Variants in NUGGC observed in about 807,000 individuals in gnomAD.
The protein encoded by NUGGC is nuclear GTPase SLIP-GC.
NUGGC carries 58 observed loss-of-function variants against 92.6 expected under a neutral mutation model. The observed-to-expected ratio is 0.63, with a 90% confidence interval of 0.51 to 0.78. The LOEUF (loss-of-function observed/expected upper bound fraction) is 0.78, where lower values mean the gene tolerates loss of function less well. Ranked by LOEUF, NUGGC falls within the 30% of genes least tolerant of loss-of-function variation. NUGGC has a pLI of 0.00. For synonymous variants in NUGGC, 376 were observed against 366.4 expected, an observed-to-expected ratio of 1.03 and a Z score of -0.30; for missense variants, 925 against 964.6, an observed-to-expected ratio of 0.96 and a Z score of 0.54.
Position 28,023,436 on chromosome 8 carries a change from C to G in NUGGC, c.2272G>C (p.Glu758Gln). The G allele has an allele frequency of 3.7e-6, 6 of 1,613,886 alleles. No individual in the cohort carries two copies. Among genetic ancestry groups the G allele is most frequent in the Non-Finnish European group, 5.1e-6 (6 of 1,179,854 alleles). ...ADVGSEYKEM[E>Q]KLHRSLREVA... ...TCCCTCAGGCTTCTGTGCAGCTTCT[C>G]CATCTCCTTGTATTCACTCCCGACA... Residue 758 changes from glutamate to glutamine, a missense_variant, in exon 19 of 19, where the codon GAG becomes CAG. Physicochemically the swap from Glu to Gln is conservative, Grantham distance 29. Transcript: ENST00000413272.
intron 12 of NUGGC, 107 bp downstream of exon 12, chr8:28,045,420 C>G: frequency 9.4e-7 from 1 of 1,061,824 alleles, no homozygotes; most frequent in Non-Finnish European, 1.3e-6. Flanking sequence ...TTCATATCTT[C>G]CTTTAATATG....
rs1316799601 is a variant in NUGGC at position 28,022,150 on chromosome 8, TC to T, written c.*1166del. On this transcript the variant is annotated 3_prime_UTR_variant, in exon 19 of 19. Transcript: ENST00000413272. ...GTGTGTGTATATATATATATTTTTT[TC>T]TTTTTCTTTTTTTTTTTTTTTTTTT... 3 of 141,164 alleles carry T rather than the reference TC, an allele frequency of 2.1e-5. No homozygotes were observed. Among genetic ancestry groups the T allele is most frequent in the African/African-American group, 2.6e-5 (1 of 39,042 alleles). 8.7% of individuals were successfully genotyped at this position (141,164 alleles called of 1,614,324 possible). A position where few individuals can be genotyped will look rare whatever the true frequency, so the allele number is the denominator to read the frequency against.
chr8:28,027,673 T>C (rs1434212383), intron 17 of NUGGC, among the ~76,000 whole-genome samples: 1 of 152,224 alleles, frequency 6.6e-6, no homozygotes, highest in African/African-American at 2.4e-5. Context: ...TCCTACGCTT[T>C]TTCTTTAACG....
At chr8:28,081,253 A>G (rs1207506987) in intron 1 of NUGGC, among the ~76,000 whole-genome samples, 1 of 152,160 alleles carries the variant, frequency 6.6e-6, no homozygotes, top group African/African-American at 2.4e-5. Context: ...CAGGAAACAG[A>G]GGTTGCAGTG....
Position 28,064,524 on chromosome 8 carries a change from T to C in NUGGC, c.919A>G (p.Lys307Glu), listed in dbSNP as rs376354587. The C allele has an allele frequency of 6.2e-7, 1 of 1,613,746 alleles. No individual in the cohort carries two copies. The highest frequency in any genetic ancestry group is 8.5e-7 in the Non-Finnish European group (1 of 1,179,746). The stretch of plus-strand genomic sequence containing the variant: ...CTAAACCTACGAAAGACAGTCACCT[T>C]TTTCCACATCTCGTCCCTCTTGCTG... ...FNSKRDEMWK[K>E]TIDKCSVIWV... is the part of the protein sequence containing the mutation. The change falls in exon 7 of 19, where the codon AAG becomes GAG. Residue 307 changes from lysine to glutamate, a missense_variant and splice_region_variant. Lys to Glu is a moderately conservative substitution (Grantham distance 56). Coordinates refer to ENST00000413272, the MANE Select transcript of NUGGC (RefSeq NM_001010906.2).
intron 17 of NUGGC, among the ~76,000 whole-genome samples, chr8:28,028,254 T>C (rs56045117): frequency 0.021 from 3,266 of 152,252 alleles, 120 homozygotes; most frequent in African/African-American, 0.075. Flanking sequence ...CTTTATGGAG[T>C]TCGGCCAGTT....
intron 13 of NUGGC, among the ~76,000 whole-genome samples, chr8:28,036,242 C>T (rs1313816197): frequency 1.3e-5 from 2 of 152,174 alleles, no homozygotes; most frequent in Admixed American, 6.5e-5. Context: ...TAAAAATAAG[C>T]ATAAAAATAA....
intron 10 of NUGGC, among the ~76,000 whole-genome samples, chr8:28,052,795 C>T (rs1563222599): frequency 6.6e-6 from 1 of 152,108 alleles, no homozygotes; most frequent in Admixed American, 6.5e-5. Flanking sequence ...GAGTTGTGTG[C>T]ATTACTTAAC....
chr8:28,040,334 C>G (rs898969176), intron 13 of NUGGC, among the ~76,000 whole-genome samples: 1 of 152,262 alleles, frequency 6.6e-6, no homozygotes, highest in Non-Finnish European at 1.5e-5. Context: ...AAGATGTTTC[C>G]TCATTGTGTA....
Position 28,030,412 on chromosome 8 carries a change from C to T in NUGGC, c.1915G>A (p.Ala639Thr), listed in dbSNP as rs1466078386. Residue 639 changes from alanine (A) to threonine (T), a missense_variant, in exon 16 of 19, where the codon GCC (alanine) becomes ACC (threonine). Ala to Thr is a moderately conservative substitution (Grantham distance 58). Coordinates refer to ENST00000413272, the MANE Select transcript of NUGGC (RefSeq NM_001010906.2). ...TGGTCCTCCAGGCCCCCGAGGATGG[C>T]ACTTATCTGGGAAGATGTGGCAAAA... is the stretch of plus-strand genomic sequence containing the variant. ...KKNFLIQEIS[A>T]ILGGLEDHIL... The T allele has an allele frequency of 6.4e-7, 1 of 1,558,038 alleles. No homozygotes were observed. The highest frequency in any genetic ancestry group is 1.9e-5 in the Admixed American group (1 of 53,408).
chr8:28,059,292 C>A (rs1373787234), intron 8 of NUGGC, among the ~76,000 whole-genome samples: 1 of 152,198 alleles, frequency 6.6e-6, no homozygotes, highest in East Asian at 1.9e-4. Flanking sequence ...TTTATACCCG[C>A]TGATCCCCTC....
Position 28,023,334 on chromosome 8 carries a change from G to C in NUGGC, c.2374C>G (p.Pro792Ala), listed in dbSNP as rs189541232. 9.5e-4 allele frequency: 1,526 copies of C among 1,613,646 alleles called. 1 individual carries two copies. The highest frequency in any genetic ancestry group is 1.8e-3 in the East Asian group (81 of 44,838). Residue 792 changes from proline to alanine, a missense_variant, in exon 19 of 19, where the codon CCC becomes GCC. Pro to Ala is a conservative substitution (Grantham distance 27). Transcript: ENST00000413272. ...LRASPSKAGP[P>A]GTSL ...CCCAGGAGTTACAGTGATGTCCCGG[G>C]GGGGCCAGCCTTGCTGGGGGATGCC... is the stretch of plus-strand genomic sequence containing the variant.
intron 7 of NUGGC, among the ~76,000 whole-genome samples, chr8:28,063,704 T>C (rs1810366904): frequency 6.6e-6 from 1 of 152,176 alleles, no homozygotes; most frequent in African/African-American, 2.4e-5. Flanking sequence ...GGCTAGAGCT[T>C]GCTCTAGATT....
chr8:28,026,362 A>G (rs1363913643), intron 18 of NUGGC, among the ~76,000 whole-genome samples: 1 of 152,184 alleles, frequency 6.6e-6, no homozygotes, highest in Non-Finnish European at 1.5e-5. Context: ...TACCCTCTCC[A>G]GTTTATACCG....
chr8:28,026,803 C>T (rs1809274571), intron 18 of NUGGC, among the ~76,000 whole-genome samples, 159 bp downstream of exon 18: 1 of 152,160 alleles, frequency 6.6e-6, no homozygotes, highest in Non-Finnish European at 1.5e-5. Flanking sequence ...TCACCATCAT[C>T]ATCGTCATCA....
At position 28,069,624 on chromosome 8, in the gene NUGGC, C is replaced by G. The variant is rs17058564; in HGVS notation, c.177G>C (p.Arg59Ser). The G allele has an allele frequency of 2.5e-6, 4 of 1,610,670 alleles. No homozygotes were observed. The highest frequency in any genetic ancestry group is 1.3e-5 in the African/African-American group (1 of 74,908). ...EYEKLESRTR[R>S]VLSNTYQKLI... ...GTTTCTGATAAGTGTTGCTCAAAACCCTTCTGGTCCGTGATTCCAATTTTT... is the reference window on the plus strand; with the variant it reads ...GTTTCTGATAAGTGTTGCTCAAAACGCTTCTGGTCCGTGATTCCAATTTTT... The change falls in exon 4 of 19, where the codon AGG becomes AGC. Residue 59 changes from arginine (R) to serine (S), a missense_variant. Transcript: ENST00000413272.
At chr8:28,032,534 G>A (rs532014135) in intron 14 of NUGGC, among the ~76,000 whole-genome samples, 321 of 151,888 alleles carry the variant, frequency 2.1e-3, no homozygotes, top group African/African-American at 7.6e-3. Context: ...TGGCTAACAT[G>A]GTGAAACCCC....
At chr8:28,061,533 T>C (rs890343372) in intron 7 of NUGGC, among the ~76,000 whole-genome samples, 1 of 152,222 alleles carries the variant, frequency 6.6e-6, no homozygotes, top group South Asian at 2.1e-4. Flanking sequence ...TTTATACCAG[T>C]AGTTTTTAAC....
At chr8:28,029,220 C>A in intron 17 of NUGGC, 46 bp downstream of exon 17, 1 of 1,576,714 alleles carries the variant, frequency 6.3e-7, no homozygotes, top group Non-Finnish European at 8.6e-7. Flanking sequence ...CTCTCCTCCC[C>A]CGGAGCCTCT....
Sources: allele counts gnomAD v4.1 joint callset (sites outside exome capture counted in the v4.1 genomes callset), GRCh38; gene constraint gnomAD v4.1.1; transcripts MANE v1.5; gene names NCBI Gene and HGNC (gene_info 2026-07-23, HGNC 2026-07-21).